Variants in EPHB1 observed in about 807,000 individuals in gnomAD.
EPHB1 encodes ephrin type-B receptor 1.
EPHB1 carries 30 observed loss-of-function variants against 94.4 expected under a neutral mutation model. That is an observed-to-expected ratio of 0.32 (90% CI 0.24 to 0.43). The LOEUF (loss-of-function observed/expected upper bound fraction) is 0.43, where lower values mean the gene tolerates loss of function less well. EPHB1 is among the 20% of genes least tolerant of loss of function. The pLI is 1.00. For synonymous variants in EPHB1, 522 were observed against 489.1 expected, an observed-to-expected ratio of 1.07 and a Z score of -0.89; for missense variants, 1,055 against 1,308.3, an observed-to-expected ratio of 0.81 and a Z score of 2.99.
chr3:135,030,649 A>T (rs1424637215), intron 3 of EPHB1, among the ~76,000 whole-genome samples: 2 of 152,232 alleles, frequency 1.3e-5, no homozygotes, highest in Admixed American at 6.5e-5. Flanking sequence ...GGGACATTTA[A>T]GTCCGCAGAG....
intron 3 of EPHB1, among the ~76,000 whole-genome samples, chr3:135,003,338 T>C (rs1935258922): frequency 1.3e-5 from 2 of 152,060 alleles, no homozygotes; most frequent in Admixed American, 6.5e-5. Flanking sequence ...TTGTTACAAT[T>C]TCTGTTCTTT....
chr3:134,863,071 T>C (rs2037301215), intron 1 of EPHB1, among the ~76,000 whole-genome samples: 1 of 152,246 alleles, frequency 6.6e-6, no homozygotes, highest in African/African-American at 2.4e-5. Context: ...TCATGCCACC[T>C]GGGTTCTCCT....
chr3:134,842,425 C>A lies in EPHB1; in HGVS notation c.58+46736C>A, dbSNP rs531342958. On this transcript the variant is annotated intron_variant, in intron 1 of 15. Transcript: ENST00000398015. ...CTCTTCTGTGCTAATGCCATCAGAG[C>A]CCTGTTCATCCAGTACCTACTCCAT... 1.2e-4 allele frequency among the ~76,000 whole-genome samples: 18 copies of A among 152,342 alleles called. No homozygotes were observed. The South Asian group carries it at 3.7e-3, about 32-fold the overall frequency.
intron 1 of EPHB1, among the ~76,000 whole-genome samples, chr3:134,810,735 T>C (rs1037678928): frequency 6.6e-6 from 1 of 152,196 alleles, no homozygotes; most frequent in African/African-American, 2.4e-5. Context: ...TTGGGTGCAG[T>C]TCTGCCATCG....
chr3:134,857,307 T>C (rs1319374883), intron 1 of EPHB1, among the ~76,000 whole-genome samples: 1 of 152,180 alleles, frequency 6.6e-6, no homozygotes, highest in African/African-American at 2.4e-5. Flanking sequence ...TCCTCTTCTC[T>C]GCTTGTCCCA....
intron 1 of EPHB1, among the ~76,000 whole-genome samples, chr3:134,869,329 G>A (rs2037447907): frequency 6.6e-6 from 1 of 152,180 alleles, no homozygotes; most frequent in Admixed American, 6.5e-5. Flanking sequence ...CACCTCTGTT[G>A]GTTGCTCTCT....
chr3:134,847,241 C>A (rs1199164167), intron 1 of EPHB1, among the ~76,000 whole-genome samples: 1 of 152,086 alleles, frequency 6.6e-6, no homozygotes. Context: ...CAGGGCAAGG[C>A]GGGGCTCCAC....
intron 12 of EPHB1, among the ~76,000 whole-genome samples, chr3:135,228,270 C>T (rs1943447837): frequency 6.6e-6 from 1 of 152,094 alleles, no homozygotes; most frequent in African/African-American, 2.4e-5. Flanking sequence ...GTGTAATAGA[C>T]TCTTCCTCAT....
At chr3:135,114,384 G>GTTTAAATCC (rs1939588471) in intron 4 of EPHB1, among the ~76,000 whole-genome samples, 1 of 151,702 alleles carries the variant, frequency 6.6e-6, no homozygotes, top group Non-Finnish European at 1.5e-5. Context: ...CTGCCTCACT[G>GTTTAAATCC]CACTGTTGTG....
chr3:135,081,285 GA>G (rs1002094046), intron 3 of EPHB1, among the ~76,000 whole-genome samples: 32 of 151,930 alleles, frequency 2.1e-4, no homozygotes, highest in Non-Finnish European at 4.4e-4. Context: ...AGCTACTTTA[GA>G]AAAAAAACCT....
chr3:135,214,445 G>A (rs528851086), intron 12 of EPHB1, among the ~76,000 whole-genome samples: 31 of 152,186 alleles, frequency 2.0e-4, no homozygotes, highest in Non-Finnish European at 3.8e-4. Flanking sequence ...CCCCTCATGG[G>A]ACAAGGGACA....
chr3:135,004,520 G>C (rs987929353), intron 3 of EPHB1, among the ~76,000 whole-genome samples: 19 of 152,178 alleles, frequency 1.2e-4, no homozygotes, highest in Non-Finnish European at 1.5e-4. Context: ...TGCTAGATTT[G>C]GGAAGTTCTC....
chr3:134,926,438 T>C (rs2038792621), intron 2 of EPHB1, among the ~76,000 whole-genome samples: 1 of 152,086 alleles, frequency 6.6e-6, no homozygotes, highest in Admixed American at 6.5e-5. Context: ...TGAGAAACCA[T>C]GAGGTTAGAC....
intron 3 of EPHB1, among the ~76,000 whole-genome samples, chr3:134,956,729 G>C (rs916172679): frequency 6.6e-6 from 1 of 152,134 alleles, no homozygotes; most frequent in South Asian, 2.1e-4. Context: ...TGTGAAAATG[G>C]ATATGAGAAT....
chr3:134,797,472 C>T (rs900717820), intron 1 of EPHB1, among the ~76,000 whole-genome samples: 3 of 152,344 alleles, frequency 2.0e-5, no homozygotes, highest in Admixed American at 6.5e-5. Context: ...GCCCGCGGCT[C>T]TTTGCGCCCC....
At chr3:135,103,111 C>T (rs1229931524) in intron 3 of EPHB1, among the ~76,000 whole-genome samples, 2 of 151,734 alleles carry the variant, frequency 1.3e-5, no homozygotes, top group Non-Finnish European at 2.9e-5. Flanking sequence ...CCTGCACGTT[C>T]TGCACATGTA....
At chr3:135,227,392 T>G (rs1943427275) in intron 12 of EPHB1, among the ~76,000 whole-genome samples, 1 of 152,248 alleles carries the variant, frequency 6.6e-6, no homozygotes, top group Non-Finnish European at 1.5e-5. Context: ...GTGTGCTTTC[T>G]TCTCCTCTTT....
intron 1 of EPHB1, among the ~76,000 whole-genome samples, chr3:134,886,189 G>C (rs1328170341): frequency 6.6e-6 from 1 of 152,176 alleles, no homozygotes; most frequent in African/African-American, 2.4e-5. Flanking sequence ...ACAGTAGCAA[G>C]AACAGAAGGC....
At position 135,221,129 on chromosome 3, in the gene EPHB1, T is replaced by A. The variant is rs949377474; in HGVS notation, c.2346+19440T>A. On this transcript the variant is annotated intron_variant, in intron 12 of 15. Coordinates refer to ENST00000398015, the MANE Select transcript of EPHB1 (RefSeq NM_004441.5). ...AATAAAATGATATGAAATGGCTTTGTAGCTGGATATTCTACCCTGAGAAAT... is the reference window on the plus strand; with the variant it reads ...AATAAAATGATATGAAATGGCTTTGAAGCTGGATATTCTACCCTGAGAAAT... Among the ~76,000 whole-genome samples, 8 of 152,334 alleles carry A rather than the reference T, an allele frequency of 5.3e-5. 2 individuals are homozygous for A. The highest frequency in any genetic ancestry group is 5.2e-4 in the Admixed American group (8 of 15,300).
Sources: allele counts gnomAD v4.1 joint callset (sites outside exome capture counted in the v4.1 genomes callset), GRCh38; gene constraint gnomAD v4.1.1; transcripts MANE v1.5; gene names NCBI Gene and HGNC (gene_info 2026-07-23, HGNC 2026-07-21).